TIGD7: variants seen among roughly 807,000 people sequenced by gnomAD.
TIGD7 encodes the protein tigger transposable element derived 7.
Under a neutral mutation model 24.8 loss-of-function variants are expected in TIGD7, and 26 were observed. The observed-to-expected ratio is 1.05, with a 90% confidence interval of 0.77 to 1.45. The LOEUF (loss-of-function observed/expected upper bound fraction) is 1.45, where lower values mean the gene tolerates loss of function less well. Ranked by LOEUF, TIGD7 falls within the 40% of genes most tolerant of loss-of-function variation. The pLI is 0.00. For synonymous variants in TIGD7, 221 were observed against 224.1 expected, an observed-to-expected ratio of 0.99 and a Z score of 0.12; for missense variants, 679 against 641.6, an observed-to-expected ratio of 1.06 and a Z score of -0.63.
intron 1 of TIGD7, among the ~76,000 whole-genome samples, chr16:3,304,501 T>C (rs1437064569): frequency 1.3e-5 from 2 of 152,332 alleles, no homozygotes; most frequent in African/African-American, 4.8e-5. Flanking sequence ...TTCAAGAGAT[T>C]GCTTAAGGAC....
At position 3,305,327 on chromosome 16, in the gene TIGD7, C is replaced by G. The variant is rs1332717743; in HGVS notation, c.-1511G>C. 2 of 152,470 alleles carry G rather than the reference C, an allele frequency of 1.3e-5. No individual in the cohort carries two copies. The highest frequency in any genetic ancestry group is 4.8e-5 in the African/African-American group (2 of 41,608). 9.4% of individuals were successfully genotyped at this position (152,470 alleles called of 1,614,324 possible). On this transcript the variant is annotated 5_prime_UTR_variant, in exon 1 of 2. Coordinates refer to ENST00000396862, the MANE Select transcript of TIGD7 (RefSeq NM_033208.4). Reference sequence around the variant, plus strand: ...GCGACAGCCACGCGGTGAGCCGGTACAAGGCCCTCTAGGCTTCAGCGGGTC... The same window carrying G: ...GCGACAGCCACGCGGTGAGCCGGTAGAAGGCCCTCTAGGCTTCAGCGGGTC...
intron 1 of TIGD7, chr16:3,303,924 C>G (rs1000289238): frequency 2.0e-5 from 3 of 152,378 alleles, no homozygotes; most frequent in Admixed American, 2.0e-4. Context: ...GCTCCGCCTC[C>G]CGGGTTCACG....
chr16:3,302,978 C>G (rs1443170654), intron 1 of TIGD7, among the ~76,000 whole-genome samples: 1 of 151,776 alleles, frequency 6.6e-6, no homozygotes, highest in Non-Finnish European at 1.5e-5. Flanking sequence ...GCTGGGATTA[C>G]AGGCACGCAC....
intron 1 of TIGD7, among the ~76,000 whole-genome samples, chr16:3,304,449 C>T (rs577141313): frequency 7.0e-4 from 107 of 152,318 alleles, no homozygotes; most frequent in African/African-American, 2.1e-3. Flanking sequence ...ATGTCCTATT[C>T]TTACCCTTGT....
chr16:3,302,997 C>T (rs1321757770), intron 1 of TIGD7, among the ~76,000 whole-genome samples: 1 of 152,010 alleles, frequency 6.6e-6, no homozygotes, highest in African/African-American at 2.4e-5. Context: ...ACCACCATGC[C>T]CCGCTAATTT....
In TIGD7 at chr16:3,304,302, C is replaced by A. The variant is rs139929684; in HGVS notation, c.-1396+910G>T. Among the ~76,000 whole-genome samples, 128 of 152,304 alleles carry A rather than the reference C, an allele frequency of 8.4e-4. 1 individual carries two copies. In the East Asian group the frequency reaches 0.024, roughly 28 times the overall value. On this transcript the variant is annotated intron_variant, in intron 1 of 1. Coordinates refer to ENST00000396862, the MANE Select transcript of TIGD7 (RefSeq NM_033208.4). Reference sequence around the variant, plus strand: ...AGTCTAATGTTTCCAGCTTTTAAAGCCTTTACTCCTACCCTTCCCTCTGCC... The same window carrying A: ...AGTCTAATGTTTCCAGCTTTTAAAGACTTTACTCCTACCCTTCCCTCTGCC...
rs775192030 is a variant in TIGD7 at position 3,300,694 on chromosome 16, T to G, written c.-80A>C. On this transcript the variant is annotated 5_prime_UTR_variant, in exon 2 of 2. Coordinates refer to ENST00000396862, the MANE Select transcript of TIGD7 (RefSeq NM_033208.4). ...GAATTGGCAAAAAAAAAACCCACAT[T>G]TTTTAAACAAAACTTAGCTGAAAGC... 1 of 1,506,530 alleles carries G rather than the reference T, an allele frequency of 6.6e-7. No individual in the cohort carries two copies. Among genetic ancestry groups the G allele is most frequent in the Non-Finnish European group, 8.8e-7 (1 of 1,132,186 alleles). The allele number at this position is 1,506,530 out of a possible 1,614,324, so 93.3% of individuals were successfully genotyped here.
rs1299002774 is a variant in TIGD7 at position 3,301,488 on chromosome 16, G to T, written c.-874C>A. The stretch of plus-strand genomic sequence containing the variant: ...TGTCAGTGGCACTTTACCATTCTCA[G>T]ATCTTCTTTCTTGGGAACATCTGAT... On this transcript the variant is annotated 5_prime_UTR_variant, in exon 2 of 2. It adds an upstream start codon to the 5' untranslated region. Transcript: ENST00000396862. 6.0e-6 allele frequency: 1 copy of T among 167,034 alleles called. No homozygotes were observed. Among genetic ancestry groups the T allele is most frequent in the Non-Finnish European group, 1.5e-5 (1 of 68,118 alleles). 10.3% of individuals were successfully genotyped at this position (167,034 alleles called of 1,614,324 possible).
Position 3,300,575 on chromosome 16 carries a change from C to T in TIGD7, c.40G>A (p.Glu14Lys), listed in dbSNP as rs1414189355. 5.6e-6 allele frequency: 9 copies of T among 1,601,560 alleles called. No individual in the cohort carries two copies. The highest frequency in any genetic ancestry group is 7.7e-6 in the Non-Finnish European group (9 of 1,174,956). Residue 14 changes from glutamate to lysine, a missense_variant, in exon 2 of 2, where the codon GAG becomes AAG. Glu to Lys is a moderately conservative substitution (Grantham distance 56, BLOSUM62 1). Coordinates refer to ENST00000396862, the MANE Select transcript of TIGD7 (RefSeq NM_033208.4). ...RGKYTTLNLE[E>K]KMKVLSRIEA... ...ATTCTACTTAGAACCTTCATTTTCT[C>T]CTCCAAATTCAGTGTTGTATATTTC...
At chr16:3,303,507 T>C (rs539549729) in intron 1 of TIGD7, among the ~76,000 whole-genome samples, 62 of 152,366 alleles carry the variant, frequency 4.1e-4, no homozygotes, top group African/African-American at 1.4e-3. Context: ...CTGGTTCTGA[T>C]AGACTGAGAA....
intron 1 of TIGD7, among the ~76,000 whole-genome samples, chr16:3,303,238 C>T (rs1411981172): frequency 1.3e-5 from 2 of 152,212 alleles, no homozygotes; most frequent in Non-Finnish European, 2.9e-5. Flanking sequence ...GCCACTATGG[C>T]AGCAAACCTC....
intron 1 of TIGD7, 48 bp from the exon 2 acceptor site, chr16:3,302,057 A>G (rs183240384): frequency 7.1e-4 from 112 of 158,426 alleles, no homozygotes; most frequent in Non-Finnish European, 1.5e-5. Flanking sequence ...AATGGCTGGT[A>G]TCTCAGTTAT....
chr16:3,301,228 C>G lies in TIGD7; in HGVS notation c.-614G>C, dbSNP rs1358260325. 1 of 167,120 alleles carries G rather than the reference C, an allele frequency of 6.0e-6. No homozygotes were observed. Among genetic ancestry groups the G allele is most frequent in the African/African-American group, 2.4e-5 (1 of 41,458 alleles). 10.4% of individuals were successfully genotyped at this position (167,120 alleles called of 1,614,324 possible). A position where few individuals can be genotyped will look rare whatever the true frequency, so the allele number is the denominator to read the frequency against. On this transcript the variant is annotated 5_prime_UTR_variant, in exon 2 of 2. It removes an upstream start codon present in the reference 5' UTR. Coordinates refer to ENST00000396862, the MANE Select transcript of TIGD7 (RefSeq NM_033208.4). ...ACATAGTGTTCACTGGGCAGCAGTT[C>G]ATCTACCTGGATAAGGGCTCCGAGC... is the stretch of plus-strand genomic sequence containing the variant.
rs763795451 is a variant in TIGD7, at chr16:3,300,749, A to G, written c.-135T>C. On this transcript the variant is annotated 5_prime_UTR_variant, in exon 2 of 2. Coordinates refer to ENST00000396862, the MANE Select transcript of TIGD7 (RefSeq NM_033208.4). Reference sequence around the variant, plus strand: ...GAAGGCATGGGCATTGTATTGGAGGATAATGGACTGAAGGGGCTAACCATG... The same window carrying G: ...GAAGGCATGGGCATTGTATTGGAGGGTAATGGACTGAAGGGGCTAACCATG... 1.3e-5 allele frequency: 19 copies of G among 1,409,990 alleles called. No homozygotes were observed. The highest frequency in any genetic ancestry group is 1.8e-5 in the Non-Finnish European group (19 of 1,066,964). 87.3% of individuals were successfully genotyped at this position (1,409,990 alleles called of 1,614,324 possible).
At chr16:3,304,310 C>T (rs371225239) in intron 1 of TIGD7, among the ~76,000 whole-genome samples, 1 of 152,206 alleles carries the variant, frequency 6.6e-6, no homozygotes, top group African/African-American at 2.4e-5. Context: ...AGCCTTTACT[C>T]CTACCCTTCC....
Position 3,299,167 on chromosome 16 carries a change from C to A in TIGD7, c.1448G>T (p.Ser483Ile). 1 of 1,558,284 alleles carries A rather than the reference C, an allele frequency of 6.4e-7. No homozygotes were observed. Among genetic ancestry groups the A allele is most frequent in the Non-Finnish European group, 8.7e-7 (1 of 1,155,934 alleles). Residue 483 changes from serine to isoleucine, a missense_variant, in exon 2 of 2, where the codon AGT becomes ATT. Transcript: ENST00000396862. ...AEFKLSAVRESLDYLLDFVDA... is the reference protein window; with the variant it reads ...AEFKLSAVREILDYLLDFVDA... ...AACAAAGTCAAGAAGGTAGTCCAAA[C>A]TCTCTCTTACAGCAGATAATTTAAA...
Position 3,299,332 on chromosome 16 carries a change from C to T in TIGD7, c.1283G>A (p.Gly428Glu), listed in dbSNP as rs757499340. Residue 428 changes from glycine to glutamate, a missense_variant, in exon 2 of 2, where the codon GGG becomes GAG. By Grantham distance (98) the Gly-to-Glu change is moderately conservative. Transcript: ENST00000396862. Reference sequence around the variant, plus strand: ...ATCATCCAACTTAGTTTCCAACTCCCCACATTTTTCAAGAATTTCTCTATA... The same window carrying T: ...ATCATCCAACTTAGTTTCCAACTCCTCACATTTTTCAAGAATTTCTCTATA... ...GDYREILEKC[G>E]ELETKLDDDR... 1 of 1,593,488 alleles carries T rather than the reference C, an allele frequency of 6.3e-7. No homozygotes were observed. Among genetic ancestry groups the T allele is most frequent in the Non-Finnish European group, 8.5e-7 (1 of 1,171,862 alleles).
At position 3,301,469 on chromosome 16, in the gene TIGD7, T is replaced by C. The variant is rs1743553230; in HGVS notation, c.-855A>G. 6.0e-6 allele frequency: 1 copy of C among 167,140 alleles called. No individual in the cohort carries two copies. Among genetic ancestry groups the C allele is most frequent in the South Asian group, 2.1e-4 (1 of 4,838 alleles). 10.4% of individuals were successfully genotyped at this position (167,140 alleles called of 1,614,324 possible). On this transcript the variant is annotated 5_prime_UTR_variant, in exon 2 of 2. Coordinates refer to ENST00000396862, the MANE Select transcript of TIGD7 (RefSeq NM_033208.4). ...AGTATGTAAATAATTTATTTGTCAG[T>C]GGCACTTTACCATTCTCAGATCTTC... is the stretch of plus-strand genomic sequence containing the variant.
intron 1 of TIGD7, chr16:3,304,837 G>A (rs1473537102): frequency 6.6e-6 from 1 of 152,204 alleles, no homozygotes; most frequent in East Asian, 1.9e-4. Flanking sequence ...AAGAATACTG[G>A]AGTGGAAAAC....
Sources: gnomAD v4.1 joint callset for allele counts (sites outside exome capture counted in the v4.1 genomes callset) on GRCh38, gnomAD v4.1.1 for gene constraint, MANE v1.5 for transcripts, NCBI Gene and HGNC (gene_info 2026-07-23, HGNC 2026-07-21) for gene names.